FXR1: variants seen among roughly 807,000 people sequenced by gnomAD.
FXR1 encodes the protein FMR1 autosomal homolog 1.
FXR1 carries 15 observed loss-of-function variants against 84.0 expected under a neutral mutation model. The observed-to-expected ratio is 0.18, with a 90% CI of 0.12 to 0.27. The LOEUF is 0.27. FXR1 is among the 10% of genes least tolerant of loss of function. The pLI, the probability that FXR1 is intolerant of heterozygous loss-of-function variation, is 1.00. For synonymous variants in FXR1, 245 were observed against 250.7 expected, an observed-to-expected ratio of 0.98 and a Z score of 0.21; for missense variants, 480 against 774.4, an observed-to-expected ratio of 0.62 and a Z score of 4.51.
Position 180,947,020 on chromosome 3 carries a change from T to C in FXR1, c.199-845T>C, listed in dbSNP as rs1805597. ...TTAATAAAACTGATATTTATAGATA[T>C]AAAGAATATGACTTGTTTTTTTGTG... On this transcript the variant is annotated intron_variant, in intron 3 of 16. Transcript: ENST00000357559. Among the ~76,000 whole-genome samples the C allele has an allele frequency of 6.4e-3, 975 of 152,312 alleles. 9 individuals are homozygous for C. Among genetic ancestry groups the C allele is most frequent in the African/African-American group, 0.018 (743 of 41,586 alleles).
intron 13 of FXR1, among the ~76,000 whole-genome samples, chr3:180,965,760 T>C (rs1712743494): frequency 6.6e-6 from 1 of 152,194 alleles, no homozygotes; most frequent in Non-Finnish European, 1.5e-5. Flanking sequence ...AACAGTTATT[T>C]AATATGAGTA....
intron 3 of FXR1, among the ~76,000 whole-genome samples, chr3:180,939,247 C>G (rs1720865839): frequency 6.6e-6 from 1 of 152,080 alleles, no homozygotes; most frequent in Non-Finnish European, 1.5e-5. Flanking sequence ...CACTATTTTT[C>G]CCTTATACCG....
intron 1 of FXR1, among the ~76,000 whole-genome samples, chr3:180,918,708 T>C (rs1718195635): frequency 6.6e-6 from 1 of 152,202 alleles, no homozygotes; most frequent in Admixed American, 6.5e-5. Flanking sequence ...TTGTATTTCC[T>C]TTAACCTATT....
At chr3:180,917,418 A>G (rs1035950845) in intron 1 of FXR1, among the ~76,000 whole-genome samples, 1 of 152,190 alleles carries the variant, frequency 6.6e-6, no homozygotes, top group African/African-American at 2.4e-5. Flanking sequence ...AATTGTCTTA[A>G]TATTAGGCCA....
intron 1 of FXR1, among the ~76,000 whole-genome samples, chr3:180,913,168 T>C (rs904633480): frequency 5.9e-5 from 9 of 152,034 alleles, no homozygotes; most frequent in African/African-American, 2.2e-4. Context: ...CTCAGCCCGC[T>C]CCTCCGACCC....
intron 15 of FXR1, among the ~76,000 whole-genome samples, chr3:180,974,246 C>T (rs1467842136): frequency 6.6e-6 from 1 of 151,340 alleles, no homozygotes; most frequent in African/African-American, 2.4e-5. Flanking sequence ...GCACCCTCCA[C>T]CTCCCGGGTT....
intron 10 of FXR1, among the ~76,000 whole-genome samples, chr3:180,958,386 C>G (rs991963073): frequency 2.0e-5 from 3 of 152,110 alleles, no homozygotes; most frequent in African/African-American, 7.2e-5. Context: ...TCTCACCCCC[C>G]TCCCAACCTT....
chr3:180,958,433 C>G (rs947869377), intron 10 of FXR1, among the ~76,000 whole-genome samples: 1 of 152,160 alleles, frequency 6.6e-6, no homozygotes, highest in Non-Finnish European at 1.5e-5. Flanking sequence ...TTATAGCATT[C>G]TTTTGCCTTT....
chr3:180,954,903 G>A (rs1266305719), intron 9 of FXR1, among the ~76,000 whole-genome samples: 2 of 121,646 alleles, frequency 1.6e-5, no homozygotes, highest in Non-Finnish European at 3.3e-5. Context: ...TTGGTCATTA[G>A]TAAGTAGTAT....
intron 8 of FXR1, 81 bp from the exon 9 acceptor site, chr3:180,953,681 T>C (rs1722457259): frequency 2.8e-6 from 2 of 713,328 alleles, no homozygotes; most frequent in Non-Finnish European, 4.9e-6. Flanking sequence ...AATTTTCTCT[T>C]TTCTCATCTT....
chr3:180,972,345 A>G (rs1046838979), intron 15 of FXR1, among the ~76,000 whole-genome samples: 2 of 151,942 alleles, frequency 1.3e-5, no homozygotes, highest in African/African-American at 2.4e-5. Flanking sequence ...AGTCCCAGCT[A>G]CTCTTGAGAC....
intron 3 of FXR1, among the ~76,000 whole-genome samples, chr3:180,940,784 C>T (rs1449972053): frequency 6.6e-6 from 1 of 152,136 alleles, no homozygotes; most frequent in Non-Finnish European, 1.5e-5. Flanking sequence ...CCACATTGGT[C>T]AGGCTGGTCT....
At chr3:180,921,007 C>T (rs1410420855) in intron 1 of FXR1, among the ~76,000 whole-genome samples, 1 of 152,224 alleles carries the variant, frequency 6.6e-6, no homozygotes, top group South Asian at 2.1e-4. Flanking sequence ...AAACTCAGAA[C>T]AGTTACATGC....
intron 3 of FXR1, among the ~76,000 whole-genome samples, chr3:180,941,325 TG>T (rs1391029667): frequency 6.6e-6 from 1 of 151,946 alleles, no homozygotes; most frequent in Non-Finnish European, 1.5e-5. Flanking sequence ...CTTGAGTAGC[TG>T]GGATCATAGG....
At position 180,978,163 on chromosome 3, in the gene FXR1, A is replaced by G. The variant is rs1337415025; in HGVS notation, c.*1871A>G. On this transcript the variant is annotated 3_prime_UTR_variant, in exon 17 of 17. Coordinates refer to ENST00000357559, the MANE Select transcript of FXR1 (RefSeq NM_005087.4). ...TATTAGAAGAATTTTAATTAATGCC[A>G]AATTGGTAAATATGGTGTAAAAAAA... 2 of 149,180 alleles carry G rather than the reference A, an allele frequency of 1.3e-5. No homozygotes were observed. The highest frequency in any genetic ancestry group is 2.5e-5 in the African/African-American group (1 of 39,224). 9.2% of individuals were successfully genotyped at this position (149,180 alleles called of 1,614,324 possible).
intron 8 of FXR1, 61 bp from the exon 9 acceptor site, chr3:180,953,701 G>T: frequency 1.3e-6 from 1 of 785,486 alleles, no homozygotes; most frequent in South Asian, 1.6e-5. Flanking sequence ...TCTTGTTTTG[G>T]ATTATGGGTT....
At chr3:180,973,619 G>C (rs1002142828) in intron 15 of FXR1, among the ~76,000 whole-genome samples, 4 of 152,136 alleles carry the variant, frequency 2.6e-5, no homozygotes, top group Non-Finnish European at 5.9e-5. Flanking sequence ...TTTTAATGTA[G>C]TTATAAATAT....
In FXR1 at chr3:180,947,863, A is replaced by G; in HGVS notation, c.199-2A>G. The G allele has an allele frequency of 6.3e-7, 1 of 1,577,358 alleles. No homozygotes were observed. The highest frequency in any genetic ancestry group is 1.2e-5 in the South Asian group (1 of 86,430). On this transcript the variant is annotated splice_acceptor_variant, in intron 3 of 16. Coordinates refer to ENST00000357559, the MANE Select transcript of FXR1 (RefSeq NM_005087.4). LOFTEE classifies it high-confidence loss of function. The stretch of plus-strand genomic sequence containing the variant: ...GATATAGGCATTTTTTTTTCTTCTC[A>G]GGTATATTCAAGAGCAAATGACCAA...
intron 1 of FXR1, among the ~76,000 whole-genome samples, chr3:180,917,116 G>A (rs1169637511): frequency 2.6e-5 from 4 of 152,176 alleles, no homozygotes; most frequent in Admixed American, 2.6e-4. Context: ...GAATACAGGC[G>A]TGAGCCACCG....
Sources: allele counts gnomAD v4.1 joint callset (sites outside exome capture counted in the v4.1 genomes callset), GRCh38; gene constraint gnomAD v4.1.1; transcripts MANE v1.5; gene names NCBI Gene and HGNC (gene_info 2026-07-23, HGNC 2026-07-21).